The following TLL1 variants were observed in gnomAD, a reference collection of about 807,000 sequenced individuals.
The protein encoded by TLL1 is tolloid-like protein 1.
In TLL1, 49 loss-of-function variants were observed where a neutral mutation model predicts 128.2. The ratio of observed to expected loss-of-function variants is 0.38; its 90% CI spans 0.30 to 0.48. The LOEUF (loss-of-function observed/expected upper bound fraction) is 0.48. Among genes scored for constraint, TLL1 ranks in the 20% least tolerant of loss-of-function variants. The probability of loss-of-function intolerance (pLI) is 0.96; values close to 1 mark genes in which losing one functional copy is unlikely to be tolerated. For synonymous variants in TLL1, 454 were observed against 418.8 expected, an observed-to-expected ratio of 1.08 and a Z score of -1.03; for missense variants, 1,123 against 1,242.0, an observed-to-expected ratio of 0.90 and a Z score of 1.44.
intron 1 of TLL1, among the ~76,000 whole-genome samples, chr4:165,937,956 C>A (rs1579512201): frequency 7.0e-6 from 1 of 143,026 alleles, no homozygotes; most frequent in East Asian, 2.1e-4. Context: ...ATTATTTTTT[C>A]TTTCTTTAAA....
At chr4:166,028,999 T>C (rs11946108) in intron 9 of TLL1, among the ~76,000 whole-genome samples, 1,975 of 152,088 alleles carry the variant, frequency 0.013, 44 homozygotes, top group African/African-American at 0.045. Context: ...TACAGTCCAG[T>C]TTATTTTTCG....
At chr4:165,934,190 T>C (rs1733662400) in intron 1 of TLL1, among the ~76,000 whole-genome samples, 1 of 149,384 alleles carries the variant, frequency 6.7e-6, no homozygotes, top group South Asian at 2.1e-4. Context: ...TTTTTTTTTT[T>C]TTTTAGTAGG....
At chr4:165,994,610 A>G (rs1272209596) in intron 4 of TLL1, 77 bp downstream of exon 4, 4 of 1,527,416 alleles carry the variant, frequency 2.6e-6, no homozygotes. Context: ...TTTTTATAGA[A>G]TATTAACATA....
In TLL1 at chr4:166,025,368, T is replaced by C. The variant is rs751856554; in HGVS notation, c.1095T>C (p.Phe365=). ...ATGGCAACCTTTCCTCTCCAGGATT[T>C]CCCAATGGCTACCCTTCTTACACAC... The part of the protein sequence containing the change: ...ESNGNLSSPG[F]PNGYPSYTHC... The change falls in exon 9 of 21, where the codon TTT becomes TTC. Residue 365 remains phenylalanine (F), a synonymous_variant. Transcript: ENST00000061240. 72 of 1,613,860 alleles carry C rather than the reference T, an allele frequency of 4.5e-5. No individual in the cohort carries two copies. The Admixed American group carries it at 1.2e-3, about 27-fold the overall frequency.
chr4:165,939,761 G>A (rs1412616434), intron 1 of TLL1, among the ~76,000 whole-genome samples: 1 of 151,850 alleles, frequency 6.6e-6, no homozygotes, highest in Non-Finnish European at 1.5e-5. Flanking sequence ...TTGGTTTCTT[G>A]TTTTATTTAT....
intron 15 of TLL1, among the ~76,000 whole-genome samples, chr4:166,062,400 G>C (rs1740360068): frequency 6.6e-6 from 1 of 152,164 alleles, no homozygotes; most frequent in Admixed American, 6.5e-5. Context: ...TCGTTGATCA[G>C]TGGTTTACAG....
At chr4:166,015,661 G>A (rs1034910070) in intron 8 of TLL1, among the ~76,000 whole-genome samples, 4 of 151,898 alleles carry the variant, frequency 2.6e-5, no homozygotes, top group African/African-American at 9.7e-5. Flanking sequence ...TAAAACTCAA[G>A]TGCAAGCAAG....
chr4:166,021,066 A>G (rs1333750426), intron 8 of TLL1, among the ~76,000 whole-genome samples: 1 of 152,192 alleles, frequency 6.6e-6, no homozygotes, highest in Admixed American at 6.5e-5. Context: ...CAGTTGCTTC[A>G]CTTAATTTAG....
At chr4:166,021,964 G>T (rs1164129651) in intron 8 of TLL1, among the ~76,000 whole-genome samples, 2 of 152,226 alleles carry the variant, frequency 1.3e-5, no homozygotes, top group East Asian at 3.9e-4. Context: ...TGGCTATGCA[G>T]TTATAACGGA....
intron 15 of TLL1, among the ~76,000 whole-genome samples, chr4:166,061,182 G>T (rs1740292007): frequency 6.6e-6 from 1 of 151,334 alleles, no homozygotes; most frequent in Non-Finnish European, 1.5e-5. Flanking sequence ...CCATAGTTTT[G>T]CTTTTGTGTG....
intron 19 of TLL1, among the ~76,000 whole-genome samples, chr4:166,094,814 C>T (rs1241130106): frequency 6.6e-6 from 1 of 151,880 alleles, no homozygotes; most frequent in Non-Finnish European, 1.5e-5. Context: ...TTTTATTTCT[C>T]CTCAAAATCT....
At chr4:165,942,535 A>G (rs1265889864) in intron 1 of TLL1, among the ~76,000 whole-genome samples, 2 of 151,454 alleles carry the variant, frequency 1.3e-5, no homozygotes, top group East Asian at 1.9e-4. Context: ...CTAACCGAAT[A>G]CCTTCCAGTA....
rs79250378 is a variant in TLL1, at chr4:166,088,336, G to A, written c.2443-2792G>A. Among the ~76,000 whole-genome samples, 1,433 of 152,188 alleles carry A rather than the reference G, an allele frequency of 9.4e-3. 27 individuals carry two copies. The highest frequency in any genetic ancestry group is 0.032 in the African/African-American group (1,341 of 41,546). ...AGTGATAAATGGCATATCACACCTT[G>A]TCATCATGAACTCTGAAAAATATTT... On this transcript the variant is annotated intron_variant, in intron 18 of 20. Coordinates refer to ENST00000061240, the MANE Select transcript of TLL1 (RefSeq NM_012464.5).
At chr4:165,911,730 T>C in intron 1 of TLL1, among the ~76,000 whole-genome samples, 1 of 152,186 alleles carries the variant, frequency 6.6e-6, no homozygotes, top group Admixed American at 6.5e-5. Flanking sequence ...GATATAACCC[T>C]ACCTTCATGT....
chr4:165,917,464 C>T (rs1328582073), intron 1 of TLL1, among the ~76,000 whole-genome samples: 1 of 152,054 alleles, frequency 6.6e-6, no homozygotes, highest in Non-Finnish European at 1.5e-5. Flanking sequence ...TATCCTATGG[C>T]TCTTAGTATT....
At chr4:166,004,083 G>C (rs1737294721) in intron 6 of TLL1, among the ~76,000 whole-genome samples, 1 of 151,898 alleles carries the variant, frequency 6.6e-6, no homozygotes, top group South Asian at 2.1e-4. Context: ...TCTTAAACTT[G>C]ACTACCCTAA....
At chr4:166,082,246 T>G (rs948018553) in intron 18 of TLL1, among the ~76,000 whole-genome samples, 4 of 152,132 alleles carry the variant, frequency 2.6e-5, no homozygotes, top group Non-Finnish European at 5.9e-5. Flanking sequence ...TAATATTGAC[T>G]CCTACCATCC....
intron 1 of TLL1, among the ~76,000 whole-genome samples, chr4:165,967,344 G>T (rs1735436399): frequency 1.3e-5 from 2 of 152,172 alleles, no homozygotes; most frequent in Admixed American, 1.3e-4. Context: ...CTCAGCTTAT[G>T]AAGAGGATTA....
rs180860805 is a variant in TLL1, at chr4:165,911,692, G to T, written c.169+37619G>T. ...ACTTTTTTAGTTAACTAAGTAAACT[G>T]CTCAATGTTCTTCCTGTGTCTCGTA... On this transcript the variant is annotated intron_variant, in intron 1 of 20. Coordinates refer to ENST00000061240, the MANE Select transcript of TLL1 (RefSeq NM_012464.5). Among the ~76,000 whole-genome samples, 42 of 152,118 alleles carry T rather than the reference G, an allele frequency of 2.8e-4. No individual in the cohort carries two copies. In the East Asian group the frequency reaches 7.9e-3, roughly 29 times the overall value.
Sources: allele counts gnomAD v4.1 joint callset (sites outside exome capture counted in the v4.1 genomes callset), GRCh38; gene constraint gnomAD v4.1.1; transcripts MANE v1.5; gene names NCBI Gene and HGNC (gene_info 2026-07-23, HGNC 2026-07-21).